The following ENTREP2 variants were observed in gnomAD, a reference collection of about 807,000 sequenced individuals.
The protein encoded by ENTREP2 is endosomal transmembrane epsin interactor 2.
the ENTREP2 span, among the ~76,000 whole-genome samples, chr15:29,142,245 GGAC>G: frequency 1.3e-5 from 2 of 152,328 alleles, no homozygotes; most frequent in South Asian, 4.1e-4. Flanking sequence ...CACCCAGACA[GGAC>G]AACAGACCCA....
chr15:29,418,889 G>A, the ENTREP2 span, among the ~76,000 whole-genome samples: 1 of 152,216 alleles, frequency 6.6e-6, no homozygotes, highest in Non-Finnish European at 1.5e-5. Flanking sequence ...TTGGAGACTT[G>A]GGGTCCAAGC....
At chr15:29,624,881 G>A in the ENTREP2 span, among the ~76,000 whole-genome samples, 2 of 150,314 alleles carry the variant, frequency 1.3e-5, no homozygotes, top group South Asian at 4.2e-4. Context: ...TTGTGTGTGT[G>A]TGTGTGTGTG....
chr15:29,199,776 C>G, the ENTREP2 span, among the ~76,000 whole-genome samples: 1 of 152,156 alleles, frequency 6.6e-6, no homozygotes, highest in African/African-American at 2.4e-5. Flanking sequence ...TGCTCCTACA[C>G]TTTTGGTGTT....
the ENTREP2 span, among the ~76,000 whole-genome samples, chr15:29,481,883 C>A: frequency 1.3e-5 from 2 of 152,146 alleles, no homozygotes; most frequent in East Asian, 1.9e-4. Flanking sequence ...TTATTTAGGG[C>A]AGATTTTGGT....
chr15:29,275,186 G>GT, the ENTREP2 span, among the ~76,000 whole-genome samples: 1 of 152,172 alleles, frequency 6.6e-6, no homozygotes, highest in Non-Finnish European at 1.5e-5. Context: ...CCATCCTTCA[G>GT]TAGAACGATG....
the ENTREP2 span, among the ~76,000 whole-genome samples, chr15:29,399,727 T>C: frequency 1.3e-5 from 2 of 152,232 alleles, no homozygotes; most frequent in Non-Finnish European, 2.9e-5. Flanking sequence ...AGATAAACAG[T>C]TGATTAACAC....
chr15:29,657,226 T>C, the ENTREP2 span, among the ~76,000 whole-genome samples: 6 of 149,882 alleles, frequency 4.0e-5, no homozygotes, highest in South Asian at 1.2e-3. Flanking sequence ...TTTTTTTTTT[T>C]CTTTTTGCAT....
At chr15:29,490,783 C>A in the ENTREP2 span, among the ~76,000 whole-genome samples, 1 of 152,248 alleles carries the variant, frequency 6.6e-6, no homozygotes, top group African/African-American at 2.4e-5. Flanking sequence ...CAAGTCCCCA[C>A]CTGACTCAGG....
the ENTREP2 span, chr15:29,569,804 A>G: frequency 1.3e-5 from 2 of 152,260 alleles, no homozygotes; most frequent in Non-Finnish European, 2.9e-5. Context: ...AAAATCGGTC[A>G]TCCTTAAGGT....
At chr15:29,415,195 C>CA in the ENTREP2 span, among the ~76,000 whole-genome samples, 14 of 152,038 alleles carry the variant, frequency 9.2e-5, no homozygotes, top group East Asian at 2.5e-3. Context: ...AGAGACACAA[C>CA]AAAAAAAGAG....
At chr15:29,159,186 T>G in the ENTREP2 span, among the ~76,000 whole-genome samples, 1 of 152,012 alleles carries the variant, frequency 6.6e-6, no homozygotes, top group Admixed American at 6.6e-5. Context: ...GAGTTTTTTC[T>G]GGTGGGTTTG....
At chr15:29,137,516 A>C in the ENTREP2 span, among the ~76,000 whole-genome samples, 2 of 152,150 alleles carry the variant, frequency 1.3e-5, no homozygotes, top group Non-Finnish European at 2.9e-5. Context: ...CTGCAGACGG[A>C]AGGCTGCCTG....
At chr15:29,455,918 T>C in the ENTREP2 span, among the ~76,000 whole-genome samples, 1 of 152,312 alleles carries the variant, frequency 6.6e-6, no homozygotes, top group African/African-American at 2.4e-5. Flanking sequence ...TGATGATCCG[T>C]CACTATCTCC....
At chr15:29,592,159 T>C in the ENTREP2 span, among the ~76,000 whole-genome samples, 1 of 152,250 alleles carries the variant, frequency 6.6e-6, no homozygotes, top group Admixed American at 6.5e-5. Context: ...ATCCTTGCTC[T>C]CTCTGCCCCC....
chr15:29,220,891 C>A, the ENTREP2 span, among the ~76,000 whole-genome samples: 1 of 150,880 alleles, frequency 6.6e-6, no homozygotes, highest in Admixed American at 6.6e-5. Context: ...TCGTCATATT[C>A]CGTTTGCTAA....
the ENTREP2 span, among the ~76,000 whole-genome samples, chr15:29,411,941 T>C: frequency 6.6e-6 from 1 of 152,198 alleles, no homozygotes; most frequent in African/African-American, 2.4e-5. Flanking sequence ...GCTGATTGCA[T>C]TGTCTTCCTT....
the ENTREP2 span, among the ~76,000 whole-genome samples, chr15:29,467,403 G>A: frequency 6.6e-6 from 1 of 152,148 alleles, no homozygotes; most frequent in African/African-American, 2.4e-5. Flanking sequence ...ATGAATAAAG[G>A]CAGAACATGC....
the ENTREP2 span, chr15:29,136,307 GGGACGGTGTCCCTAGCATTCC>G: frequency 7.0e-7 from 1 of 1,435,990 alleles, no homozygotes; most frequent in Non-Finnish European, 9.1e-7. Context: ...AGGGCAGGCC[GGGACGGTGTCCCTAGCATTCC>G]CACGGGAACT....
chr15:29,196,584 C>G, the ENTREP2 span: 1 of 1,539,528 alleles, frequency 6.5e-7, no homozygotes, highest in South Asian at 1.2e-5. Context: ...GGAACACAGA[C>G]AGACCTCACC....
Sources: gnomAD v4.1 joint callset for allele counts (sites outside exome capture counted in the v4.1 genomes callset) on GRCh38, gnomAD v4.1.1 for gene constraint, MANE v1.5 for transcripts, NCBI Gene and HGNC (gene_info 2026-07-23, HGNC 2026-07-21) for gene names.